PARD3B: variants seen among roughly 807,000 people sequenced by gnomAD.
PARD3B encodes par-3 family cell polarity regulator beta.
Under a neutral mutation model 130.2 loss-of-function variants are expected in PARD3B, and 103 were observed. The ratio of observed to expected loss-of-function variants is 0.79; its 90% CI spans 0.67 to 0.93. PARD3B has a LOEUF of 0.93. PARD3B is among the 40% of genes least tolerant of loss of function. The probability of loss-of-function intolerance (pLI) is 0.00; values close to 1 mark genes in which losing one functional copy is unlikely to be tolerated. For synonymous variants in PARD3B, 583 were observed against 553.2 expected (o/e 1.05, Z -0.76); for missense variants, 1,609 against 1,499.2 (o/e 1.07, Z -1.21).
At chr2:205,466,011 A>G (rs2048608585) in intron 20 of PARD3B, among the ~76,000 whole-genome samples, 1 of 152,164 alleles carries the variant, frequency 6.6e-6, no homozygotes, top group African/African-American at 2.4e-5. Flanking sequence ...TTTCTACAGA[A>G]GAAAGTTTAG....
chr2:205,403,601 A>G (rs114362104), intron 19 of PARD3B, among the ~76,000 whole-genome samples: 4,144 of 152,286 alleles, frequency 0.027, 69 homozygotes, highest in Middle Eastern at 0.041. Flanking sequence ...ATCAGAATGA[A>G]TCATTAGAAG....
rs976016320 is a variant in PARD3B, at chr2:205,619,486, G to A, written c.*3673G>A. ...TTTCTGAGTCTACGAGCAACAGAAA[G>A]ACTGGTCTTAGTGCAATTAGGCAGG... is the stretch of plus-strand genomic sequence containing the variant. On this transcript the variant is annotated 3_prime_UTR_variant, in exon 23 of 23. Transcript: ENST00000406610. 3 of 152,168 alleles carry A rather than the reference G, an allele frequency of 2.0e-5. No individual in the cohort carries two copies. Among genetic ancestry groups the A allele is most frequent in the African/African-American group, 7.2e-5 (3 of 41,432 alleles). 9.4% of individuals were successfully genotyped at this position (152,168 alleles called of 1,614,324 possible). A position where few individuals can be genotyped will look rare whatever the true frequency, so the allele number is the denominator to read the frequency against.
intron 18 of PARD3B, among the ~76,000 whole-genome samples, chr2:205,338,961 T>G (rs148784944): frequency 1.3e-5 from 2 of 152,310 alleles, no homozygotes; most frequent in East Asian, 3.9e-4. Flanking sequence ...GGGGATAAAA[T>G]TTAACTAATG....
At chr2:204,816,902 T>C (rs748371079) in intron 2 of PARD3B, among the ~76,000 whole-genome samples, 8 of 152,080 alleles carry the variant, frequency 5.3e-5, no homozygotes, top group Non-Finnish European at 1.2e-4. Context: ...AGCCTACAGA[T>C]TGTATTTTCA....
chr2:204,980,017 T>C (rs977203198), intron 3 of PARD3B, among the ~76,000 whole-genome samples: 34 of 152,298 alleles, frequency 2.2e-4, no homozygotes, highest in Admixed American at 2.2e-3. Flanking sequence ...AGAACTTCTG[T>C]TCATTAAAAG....
chr2:204,893,142 G>C (rs1446298054), intron 2 of PARD3B, among the ~76,000 whole-genome samples: 1 of 152,084 alleles, frequency 6.6e-6, no homozygotes, highest in East Asian at 1.9e-4. Context: ...ACCAGAGGAG[G>C]GTGGTGTCTA....
intron 2 of PARD3B, among the ~76,000 whole-genome samples, chr2:204,824,428 C>T (rs1362862699): frequency 6.6e-6 from 1 of 152,148 alleles, no homozygotes; most frequent in African/African-American, 2.4e-5. Flanking sequence ...CTTCTTGCTT[C>T]TTTAGGAATA....
chr2:205,599,734 C>G (rs2054709444), intron 22 of PARD3B, among the ~76,000 whole-genome samples: 1 of 152,172 alleles, frequency 6.6e-6, no homozygotes, highest in Non-Finnish European at 1.5e-5. Flanking sequence ...CATTCAGGTT[C>G]CAGTCACGTA....
At chr2:205,523,463 T>C (rs375464630) in intron 21 of PARD3B, among the ~76,000 whole-genome samples, 8 of 151,784 alleles carry the variant, frequency 5.3e-5, no homozygotes, top group African/African-American at 1.5e-4. Flanking sequence ...AGGCTGGTCG[T>C]ACCATATTTT....
intron 4 of PARD3B, among the ~76,000 whole-genome samples, chr2:205,085,348 C>T (rs961580878): frequency 2.0e-5 from 3 of 151,922 alleles, no homozygotes; most frequent in Non-Finnish European, 4.4e-5. Flanking sequence ...AGGTAAGAGA[C>T]ATTCAGTGAT....
At chr2:205,254,088 TAAAAAAAAAAAA>T (rs11287171) in intron 16 of PARD3B, among the ~76,000 whole-genome samples, 1 of 75,972 alleles carries the variant, frequency 1.3e-5, no homozygotes, top group Non-Finnish European at 2.6e-5. Flanking sequence ...GTAGAGAAAT[TAAAAAAAAAAAA>T]AAAAAAAAAA....
rs1167968076 is a variant in PARD3B at position 205,325,834 on chromosome 2, G to A, written c.2630+24133G>A. Among the ~76,000 whole-genome samples, 2 of 151,920 alleles carry A rather than the reference G, an allele frequency of 1.3e-5. No homozygotes were observed. The highest frequency in any genetic ancestry group is 4.2e-4 in the South Asian group (2 of 4,806). ...TATTTCAATTTACCTACAATTATCA[G>A]GGCAAATATATAGAAGGAACAAAAT... On this transcript the variant is annotated intron_variant, in intron 18 of 22. Transcript: ENST00000406610. This position sits in a 1 kb window ranked among gnomAD's most constrained non-coding sequence, Gnocchi z 4.1.
intron 16 of PARD3B, among the ~76,000 whole-genome samples, chr2:205,255,238 C>G (rs895032609): frequency 6.6e-6 from 1 of 152,134 alleles, no homozygotes; most frequent in African/African-American, 2.4e-5. Context: ...TCTCTAGGTT[C>G]TATTCTTTCA....
At chr2:205,057,419 A>G (rs62642763) in intron 4 of PARD3B, among the ~76,000 whole-genome samples, 2 of 118,220 alleles carry the variant, frequency 1.7e-5, no homozygotes, top group Non-Finnish European at 3.7e-5. Context: ...ACATATACAT[A>G]TATACATGTA....
At chr2:205,488,248 A>G (rs964907562) in intron 20 of PARD3B, among the ~76,000 whole-genome samples, 7 of 149,638 alleles carry the variant, frequency 4.7e-5, no homozygotes, top group South Asian at 2.1e-4. Context: ...CTGGAAGACA[A>G]TTTTTCCACA....
intron 15 of PARD3B, among the ~76,000 whole-genome samples, chr2:205,211,447 A>G (rs1218177628): frequency 6.6e-6 from 1 of 152,072 alleles, no homozygotes; most frequent in Non-Finnish European, 1.5e-5. Context: ...GTGACAACAG[A>G]CAGTATCTTA....
intron 22 of PARD3B, among the ~76,000 whole-genome samples, chr2:205,553,683 G>A (rs1056442147): frequency 2.6e-5 from 4 of 152,136 alleles, no homozygotes; most frequent in Non-Finnish European, 4.4e-5. Context: ...CTATAAAACT[G>A]GTATCGAACA....
intron 2 of PARD3B, among the ~76,000 whole-genome samples, chr2:204,916,517 TA>T (rs1267091753): frequency 6.6e-6 from 1 of 152,230 alleles, no homozygotes; most frequent in African/African-American, 2.4e-5. Flanking sequence ...TTTTAAATTC[TA>T]TAGAGATTTA....
chr2:205,046,218 T>A (rs1182064792), intron 3 of PARD3B, among the ~76,000 whole-genome samples: 2 of 152,010 alleles, frequency 1.3e-5, no homozygotes, highest in African/African-American at 4.8e-5. Context: ...TTTCTTAAAA[T>A]TTTATGGTAC....
Sources: gnomAD v4.1 joint callset for allele counts (sites outside exome capture counted in the v4.1 genomes callset) on GRCh38, gnomAD v4.1.1 for gene constraint, Gnocchi (gnomAD v3.1) non-coding constraint, MANE v1.5 for transcripts, NCBI Gene and HGNC (gene_info 2026-07-23, HGNC 2026-07-21) for gene names.